KLF12: variants seen among roughly 807,000 people sequenced by gnomAD.
The protein encoded by KLF12 is Krueppel-like factor 12.
KLF12 carries 9 observed loss-of-function variants against 37.8 expected under a neutral mutation model. That is an observed-to-expected ratio of 0.24 (90% CI 0.14 to 0.42). The LOEUF is 0.42. KLF12 is among the 10% of genes least tolerant of loss of function. The probability of loss-of-function intolerance (pLI) is 1.00; values close to 1 mark genes in which losing one functional copy is unlikely to be tolerated. For missense variants in KLF12, 411 were observed against 516.0 expected, an observed-to-expected ratio of 0.80 and a Z score of 1.97; for synonymous variants, 208 against 202.1, an observed-to-expected ratio of 1.03 and a Z score of -0.25.
the KLF12 span, among the ~76,000 whole-genome samples, chr13:74,151,639 T>G: frequency 1.1e-3 from 170 of 151,794 alleles, 4 homozygotes; most frequent in Admixed American, 0.011. Flanking sequence ...GGTGATGGAG[T>G]GAGACCCCAT....
chr13:74,304,351 G>A, the KLF12 span, among the ~76,000 whole-genome samples: 4 of 152,126 alleles, frequency 2.6e-5, no homozygotes, highest in East Asian at 3.9e-4. Context: ...AGTACTTTGC[G>A]GACCTTCTTG....
chr13:74,131,018 G>A (rs1878233053), intron 1 of KLF12, among the ~76,000 whole-genome samples: 1 of 152,148 alleles, frequency 6.6e-6, no homozygotes, highest in Admixed American at 6.5e-5. Flanking sequence ...TTAACAATAT[G>A]CCTTCACTGG....
the KLF12 span, among the ~76,000 whole-genome samples, chr13:74,276,157 T>A: frequency 6.6e-6 from 1 of 151,854 alleles, no homozygotes; most frequent in East Asian, 1.9e-4. Context: ...GGCCCCAGTG[T>A]GTGATGTTCC....
At chr13:74,298,551 C>A in the KLF12 span, among the ~76,000 whole-genome samples, 1 of 152,060 alleles carries the variant, frequency 6.6e-6, no homozygotes, top group African/African-American at 2.4e-5. Flanking sequence ...TATTAATATA[C>A]AGATTTCAGA....
chr13:74,227,594 G>A, the KLF12 span, among the ~76,000 whole-genome samples: 1 of 151,948 alleles, frequency 6.6e-6, no homozygotes, highest in Non-Finnish European at 1.5e-5. Context: ...TTGCTTAAAG[G>A]TTTAACTCTT....
intron 3 of KLF12, among the ~76,000 whole-genome samples, chr13:73,847,405 G>A (rs1015948220): frequency 6.6e-6 from 1 of 151,896 alleles, no homozygotes; most frequent in African/African-American, 2.4e-5. Flanking sequence ...GGTTCATTTT[G>A]TTCCTCATTT....
At chr13:74,275,803 T>TTC in the KLF12 span, among the ~76,000 whole-genome samples, 1 of 86,324 alleles carries the variant, frequency 1.2e-5, no homozygotes, top group African/African-American at 5.2e-5. Flanking sequence ...TCTTTCTTTC[T>TTC]TTCCTTCTTT....
At chr13:73,768,181 A>T (rs1466934321) in intron 5 of KLF12, among the ~76,000 whole-genome samples, 1 of 152,190 alleles carries the variant, frequency 6.6e-6, no homozygotes, top group African/African-American at 2.4e-5. Flanking sequence ...TCTGTGCCTC[A>T]GTTTCCTCAT....
chr13:73,868,700 TAA>T (rs1216174390), intron 3 of KLF12, among the ~76,000 whole-genome samples: 1 of 152,120 alleles, frequency 6.6e-6, no homozygotes, highest in African/African-American at 2.4e-5. Flanking sequence ...CTAAAAACAA[TAA>T]GATTGTTATA....
At chr13:74,075,187 G>C (rs1566200310) in intron 1 of KLF12, among the ~76,000 whole-genome samples, 1 of 152,316 alleles carries the variant, frequency 6.6e-6, no homozygotes, top group South Asian at 2.1e-4. Flanking sequence ...CTGAGGATGT[G>C]AAGATAAAAA....
At chr13:74,171,810 C>T in the KLF12 span, among the ~76,000 whole-genome samples, 4 of 152,130 alleles carry the variant, frequency 2.6e-5, no homozygotes, top group East Asian at 7.7e-4. Context: ...ATGTAAGCCA[C>T]CCACATCTGC....
chr13:73,727,938 C>A (rs1262142457), intron 6 of KLF12, among the ~76,000 whole-genome samples: 1 of 152,144 alleles, frequency 6.6e-6, no homozygotes, highest in Non-Finnish European at 1.5e-5. Flanking sequence ...CTCAGGTGAT[C>A]CACCCGCCTC....
intron 7 of KLF12, among the ~76,000 whole-genome samples, chr13:73,697,953 G>A (rs1188735577): frequency 6.6e-6 from 1 of 152,104 alleles, no homozygotes; most frequent in Admixed American, 6.5e-5. Context: ...AGGAGTTCAA[G>A]ATCAGCCTGG....
At chr13:73,919,923 C>T (rs1889033602) in intron 3 of KLF12, among the ~76,000 whole-genome samples, 1 of 152,062 alleles carries the variant, frequency 6.6e-6, no homozygotes, top group South Asian at 2.1e-4. Context: ...ATAAATTTTT[C>T]TCCCCTGAAT....
At chr13:73,901,490 T>A (rs1183729063) in intron 3 of KLF12, among the ~76,000 whole-genome samples, 1 of 152,164 alleles carries the variant, frequency 6.6e-6, no homozygotes. Context: ...TGTATGTGTG[T>A]TGGGCTAGAT....
intron 3 of KLF12, among the ~76,000 whole-genome samples, chr13:73,893,661 C>T (rs994130063): frequency 2.6e-5 from 4 of 152,044 alleles, no homozygotes; most frequent in African/African-American, 9.7e-5. Context: ...GGATTACAGG[C>T]GTGAGCCACC....
chr13:73,727,431 C>T (rs1876744645), intron 6 of KLF12, among the ~76,000 whole-genome samples: 1 of 152,106 alleles, frequency 6.6e-6, no homozygotes, highest in Admixed American at 6.6e-5. Context: ...TCAGTTATCC[C>T]AGCAACATTT....
At chr13:74,065,349 T>A (rs964096924) in intron 1 of KLF12, among the ~76,000 whole-genome samples, 1 of 152,132 alleles carries the variant, frequency 6.6e-6, no homozygotes, top group African/African-American at 2.4e-5. Context: ...AACACATATA[T>A]TTTAAAGTGA....
chr13:74,275,854 CT>C, the KLF12 span, among the ~76,000 whole-genome samples: 286 of 114,898 alleles, frequency 2.5e-3, 1 homozygote, highest in Non-Finnish European at 3.5e-3. Context: ...TTCTTTCTTT[CT>C]TTCTTTCTTT....
Sources: gnomAD v4.1 joint callset for allele counts (sites outside exome capture counted in the v4.1 genomes callset) on GRCh38, gnomAD v4.1.1 for gene constraint, MANE v1.5 for transcripts, NCBI Gene and HGNC (gene_info 2026-07-23, HGNC 2026-07-21) for gene names.